The following MAPK4 variants were observed in gnomAD, a reference collection of about 807,000 sequenced individuals.
MAPK4 encodes the protein mitogen-activated protein kinase 4.
MAPK4 carries 22 observed loss-of-function variants against 47.7 expected under a neutral mutation model. The ratio of observed to expected loss-of-function variants is 0.46; its 90% CI spans 0.33 to 0.66. The LOEUF is 0.66. Ranked by LOEUF, MAPK4 falls within the 30% of genes least tolerant of loss-of-function variation. The probability of loss-of-function intolerance (pLI) is 0.02; values close to 1 mark genes in which losing one functional copy is unlikely to be tolerated. For synonymous variants in MAPK4, 390 were observed against 365.7 expected, an observed-to-expected ratio of 1.07 and a Z score of -0.76; for missense variants, 736 against 831.7, an observed-to-expected ratio of 0.88 and a Z score of 1.42.
At chr18:50,698,169 G>A (rs766285369) in intron 2 of MAPK4, among the ~76,000 whole-genome samples, 16 of 152,022 alleles carry the variant, frequency 1.1e-4, no homozygotes, top group South Asian at 2.1e-4. Context: ...AAATCAAATC[G>A]GGCTACAATT....
chr18:50,578,459 G>A (rs866962796), intron 1 of MAPK4, among the ~76,000 whole-genome samples: 17 of 152,334 alleles, frequency 1.1e-4, no homozygotes, highest in Middle Eastern at 3.4e-3. Flanking sequence ...GATGCTGGTG[G>A]TGCTAGTCTG....
At chr18:50,579,991 G>T (rs1451913700) in intron 1 of MAPK4, among the ~76,000 whole-genome samples, 2 of 152,122 alleles carry the variant, frequency 1.3e-5, no homozygotes, top group African/African-American at 4.8e-5. Context: ...TTTGATTTGT[G>T]GTTTCCTCTC....
chr18:50,637,804 C>T lies in MAPK4; in HGVS notation c.-870-25285C>T, dbSNP rs145214766. On this transcript the variant is annotated intron_variant, in intron 1 of 5. Transcript: ENST00000400384. ...TGGCCACCTTCTCACTGCGTCCTCACGTGATTGCCCCTCAGTCTGTGTGTG... is the reference window on the plus strand; with the variant it reads ...TGGCCACCTTCTCACTGCGTCCTCATGTGATTGCCCCTCAGTCTGTGTGTG... Among the ~76,000 whole-genome samples the T allele has an allele frequency of 4.5e-3, 687 of 152,344 alleles. 6 individuals are homozygous for T. Among genetic ancestry groups the T allele is most frequent in the African/African-American group, 0.016 (653 of 41,580 alleles).
intron 1 of MAPK4, among the ~76,000 whole-genome samples, chr18:50,613,942 C>T (rs1029706610): frequency 7.2e-5 from 11 of 152,050 alleles, no homozygotes; most frequent in African/African-American, 2.7e-4. Context: ...GAATGAAATA[C>T]CATGTCTAAG....
intron 1 of MAPK4, among the ~76,000 whole-genome samples, chr18:50,631,704 T>C (rs2042831838): frequency 1.3e-5 from 2 of 152,154 alleles, no homozygotes; most frequent in Non-Finnish European, 2.9e-5. Flanking sequence ...TAACTCTCCA[T>C]GTGTGGCCCC....
intron 2 of MAPK4, among the ~76,000 whole-genome samples, chr18:50,701,705 T>C (rs2144384388): frequency 6.6e-6 from 1 of 152,210 alleles, no homozygotes; most frequent in South Asian, 2.1e-4. Flanking sequence ...GGTTAATGAG[T>C]GTCGTTAATT....
chr18:50,604,606 G>T (rs1339787484), intron 1 of MAPK4, among the ~76,000 whole-genome samples: 1 of 152,228 alleles, frequency 6.6e-6, no homozygotes, highest in Non-Finnish European at 1.5e-5. Context: ...ACTGATACTT[G>T]TAAATAAAGC....
chr18:50,628,465 G>A (rs1052974563), intron 1 of MAPK4, among the ~76,000 whole-genome samples: 1 of 152,186 alleles, frequency 6.6e-6, no homozygotes, highest in Non-Finnish European at 1.5e-5. Flanking sequence ...GCCTTTTGGG[G>A]GCCCGTTAAG....
At chr18:50,710,319 C>T (rs1352755246) in intron 2 of MAPK4, among the ~76,000 whole-genome samples, 1 of 151,744 alleles carries the variant, frequency 6.6e-6, no homozygotes, top group Non-Finnish European at 1.5e-5. Flanking sequence ...TCTGTCTCTA[C>T]AAAAAATACA....
intron 1 of MAPK4, among the ~76,000 whole-genome samples, chr18:50,584,245 C>A (rs1394692142): frequency 6.6e-6 from 1 of 152,168 alleles, no homozygotes; most frequent in Non-Finnish European, 1.5e-5. Flanking sequence ...CCCTTTATGT[C>A]TCTTCTCTAT....
chr18:50,726,705 C>G (rs1228884636), intron 5 of MAPK4, among the ~76,000 whole-genome samples: 3 of 151,968 alleles, frequency 2.0e-5, no homozygotes, highest in East Asian at 3.9e-4. Flanking sequence ...CCAGACCAGC[C>G]TGGGAAACAA....
At chr18:50,610,266 C>T (rs1056586210) in intron 1 of MAPK4, among the ~76,000 whole-genome samples, 5 of 152,198 alleles carry the variant, frequency 3.3e-5, no homozygotes, top group Middle Eastern at 3.2e-3. Context: ...AAGTGGGGCT[C>T]ATAGAACTAC....
At chr18:50,640,176 A>G (rs970927371) in intron 1 of MAPK4, among the ~76,000 whole-genome samples, 20 of 152,354 alleles carry the variant, frequency 1.3e-4, no homozygotes, top group African/African-American at 4.1e-4. Context: ...CACTAGCAGT[A>G]GAAGAGTCCC....
Position 50,663,814 on chromosome 18 carries a change from T to C in MAPK4, c.-145T>C. Reference sequence around the variant, plus strand: ...GCCATTCTCGTCTCCAGAGAGCTGGTGGCAGTGACCTCACTAGGAGAAAAC... The same window carrying C: ...GCCATTCTCGTCTCCAGAGAGCTGGCGGCAGTGACCTCACTAGGAGAAAAC... On this transcript the variant is annotated 5_prime_UTR_variant, in exon 2 of 6. Coordinates refer to ENST00000400384, the MANE Select transcript of MAPK4 (RefSeq NM_002747.4). 1.5e-6 allele frequency: 1 copy of C among 659,848 alleles called. No homozygotes were observed. Among genetic ancestry groups the C allele is most frequent in the Non-Finnish European group, 2.6e-6 (1 of 388,580 alleles). The allele number at this position is 659,848 out of a possible 1,614,324, so 40.9% of individuals were successfully genotyped here.
At chr18:50,682,312 C>T (rs998319936) in intron 2 of MAPK4, among the ~76,000 whole-genome samples, 1 of 152,212 alleles carries the variant, frequency 6.6e-6, no homozygotes, top group South Asian at 2.1e-4. Flanking sequence ...TTAAAATCTT[C>T]CCACAAAGAA....
chr18:50,692,321 A>C (rs1909265444), intron 2 of MAPK4, among the ~76,000 whole-genome samples: 1 of 152,164 alleles, frequency 6.6e-6, no homozygotes, highest in African/African-American at 2.4e-5. Flanking sequence ...TCCGTGGACC[A>C]AATGATGCAT....
At chr18:50,615,201 TG>T (rs113451737) in intron 1 of MAPK4, among the ~76,000 whole-genome samples, 4 of 151,894 alleles carry the variant, frequency 2.6e-5, no homozygotes, top group Non-Finnish European at 4.4e-5. Flanking sequence ...ATAATTGTGT[TG>T]GGGGGGGAGA....
intron 1 of MAPK4, among the ~76,000 whole-genome samples, chr18:50,621,048 T>C (rs1207429797): frequency 6.6e-6 from 1 of 152,224 alleles, no homozygotes; most frequent in African/African-American, 2.4e-5. Flanking sequence ...GCTACATTAC[T>C]GGGCACTGTG....
At chr18:50,663,031 G>C (rs1354737543) in intron 1 of MAPK4, 58 bp from the exon 2 acceptor site, 3 of 152,292 alleles carry the variant, frequency 2.0e-5, no homozygotes, top group African/African-American at 7.2e-5. Context: ...AAAGACGCAA[G>C]TGGGAAGGTG....
Sources: gnomAD v4.1 joint callset for allele counts (sites outside exome capture counted in the v4.1 genomes callset) on GRCh38, gnomAD v4.1.1 for gene constraint, MANE v1.5 for transcripts, NCBI Gene and HGNC (gene_info 2026-07-23, HGNC 2026-07-21) for gene names.